XPO4: variants seen among roughly 807,000 people sequenced by gnomAD.
XPO4 encodes the protein exportin-4.
XPO4 carries 39 observed loss-of-function variants against 143.0 expected under a neutral mutation model. That is an observed-to-expected ratio of 0.27 (90% CI 0.21 to 0.36). XPO4 has a LOEUF of 0.36. XPO4 is among the 10% of genes least tolerant of loss of function. XPO4 has a pLI of 1.00. For synonymous variants in XPO4, 439 were observed against 474.0 expected, an observed-to-expected ratio of 0.93 and a Z score of 0.96; for missense variants, 907 against 1,348.0, an observed-to-expected ratio of 0.67 and a Z score of 5.12.
intron 3 of XPO4, among the ~76,000 whole-genome samples, chr13:20,857,631 G>T (rs534046234): frequency 6.6e-6 from 1 of 152,232 alleles, no homozygotes; most frequent in East Asian, 1.9e-4. Context: ...GGAGGCTGAG[G>T]CAGGAGAATG....
Position 20,845,394 on chromosome 13 carries a change from C to G in XPO4, c.457-1508G>C, listed in dbSNP as rs150706942. Among the ~76,000 whole-genome samples, 26 of 152,292 alleles carry G rather than the reference C, an allele frequency of 1.7e-4. No homozygotes were observed. The East Asian group carries it at 5.0e-3, about 29-fold the overall frequency. ...AACAATAAAAGTTCTCTGAATGTTA[C>G]TGGTTTGGCATAAACACACACATTT... On this transcript the variant is annotated intron_variant, in intron 4 of 22. Coordinates refer to ENST00000255305, the MANE Select transcript of XPO4 (RefSeq NM_022459.5).
intron 3 of XPO4, chr13:20,856,824 A>G: frequency 5.2e-6 from 5 of 958,616 alleles, no homozygotes; most frequent in South Asian, 4.8e-5. Context: ...CTGAACTTCT[A>G]TTCCCTCTCC....
Position 20,778,392 on chromosome 13 carries a change from AT to A in XPO4, c.*5329del, listed in dbSNP as rs2141452281. On this transcript the variant is annotated 3_prime_UTR_variant, in exon 23 of 23. Coordinates refer to ENST00000255305, the MANE Select transcript of XPO4 (RefSeq NM_022459.5). Reference sequence around the variant, plus strand: ...TTAAAAATGAACATTTTAAAGATGCATTTTCTTTAAAAATTAACTTTTCACT... The same window carrying A: ...TTAAAAATGAACATTTTAAAGATGCATTTCTTTAAAAATTAACTTTTCACT... The A allele has an allele frequency of 6.6e-6, 1 of 152,316 alleles. No homozygotes were observed. The highest frequency in any genetic ancestry group is 6.5e-5 in the Admixed American group (1 of 15,294). 9.4% of individuals were successfully genotyped at this position (152,316 alleles called of 1,614,324 possible).
intron 3 of XPO4, among the ~76,000 whole-genome samples, chr13:20,859,292 C>A (rs2060174203): frequency 6.6e-6 from 1 of 151,650 alleles, no homozygotes; most frequent in Non-Finnish European, 1.5e-5. Flanking sequence ...CATGCTGAAA[C>A]CATCTCTACT....
intron 18 of XPO4, among the ~76,000 whole-genome samples, chr13:20,792,107 TCA>T (rs1177061852): frequency 6.6e-6 from 1 of 152,166 alleles, no homozygotes; most frequent in Non-Finnish European, 1.5e-5. Flanking sequence ...CCAAGAGGGC[TCA>T]GTCTCTAACC....
chr13:20,846,473 T>C (rs1236703754), intron 4 of XPO4, among the ~76,000 whole-genome samples: 4 of 152,280 alleles, frequency 2.6e-5, no homozygotes, highest in South Asian at 2.1e-4. Flanking sequence ...GTTACGGCAA[T>C]GAATATATCC....
intron 1 of XPO4, among the ~76,000 whole-genome samples, chr13:20,888,191 A>T (rs1354173997): frequency 6.6e-6 from 1 of 151,718 alleles, no homozygotes; most frequent in African/African-American, 2.4e-5. Flanking sequence ...AAAAAAAAAA[A>T]AAGACTAAAA....
At chr13:20,856,282 C>T (rs753722194) in intron 3 of XPO4, 117 of 965,798 alleles carry the variant, frequency 1.2e-4, no homozygotes, top group Non-Finnish European at 1.4e-4. Flanking sequence ...ACTAGCTATC[C>T]GAGATACATC....
Position 20,835,285 on chromosome 13 carries a change from T to C in XPO4, c.727+7610A>G, listed in dbSNP as rs558512073. ...AAATACTTCACAAGGGCTTTACATA[T>C]ATGTGCTTTAAAATTCCATCACTCT... On this transcript the variant is annotated intron_variant, in intron 6 of 22. Coordinates refer to ENST00000255305, the MANE Select transcript of XPO4 (RefSeq NM_022459.5). 5.3e-5 allele frequency among the ~76,000 whole-genome samples: 8 copies of C among 152,312 alleles called. No homozygotes were observed. In the East Asian group the frequency reaches 1.2e-3, roughly 22 times the overall value.
At chr13:20,788,686 A>G (rs1413204569) in intron 19 of XPO4, 70 bp from the exon 20 acceptor site, 11 of 1,385,716 alleles carry the variant, frequency 7.9e-6, no homozygotes, top group Non-Finnish European at 1.1e-5. Context: ...AATGCAATAA[A>G]ATAAAGTAAC....
At chr13:20,862,299 T>C (rs2060208971) in intron 3 of XPO4, among the ~76,000 whole-genome samples, 2 of 151,926 alleles carry the variant, frequency 1.3e-5, no homozygotes, top group Non-Finnish European at 2.9e-5. Flanking sequence ...TCTTCACAAC[T>C]CAACAACAAC....
At chr13:20,890,740 C>T (rs1475811762) in intron 1 of XPO4, among the ~76,000 whole-genome samples, 2 of 136,830 alleles carry the variant, frequency 1.5e-5, no homozygotes, top group East Asian at 2.3e-4. Context: ...CAGAGGATGG[C>T]GTGAGCCGAG....
chr13:20,862,649 A>G (rs892265149), intron 3 of XPO4, 68 bp downstream of exon 3: 6 of 1,587,676 alleles, frequency 3.8e-6, no homozygotes, highest in Non-Finnish European at 5.1e-6. Flanking sequence ...ATGCAAACAA[A>G]AAAAGCTCTA....
intron 13 of XPO4, among the ~76,000 whole-genome samples, chr13:20,802,842 T>C (rs373255015): frequency 1.3e-5 from 2 of 152,330 alleles, no homozygotes. Flanking sequence ...AAATGTCTTC[T>C]GGATTATCAT....
chr13:20,869,110 T>C (rs1439824679), intron 1 of XPO4, among the ~76,000 whole-genome samples: 1 of 152,144 alleles, frequency 6.6e-6, no homozygotes, highest in Middle Eastern at 3.2e-3. Context: ...GAATCCAAGT[T>C]ACTAAAAATC....
intron 6 of XPO4, among the ~76,000 whole-genome samples, chr13:20,829,997 G>A (rs535666117): frequency 7.2e-5 from 11 of 152,268 alleles, no homozygotes; most frequent in Admixed American, 1.3e-4. Flanking sequence ...ATGGATATGA[G>A]TTTTATTTAA....
intron 4 of XPO4, chr13:20,851,053 CCTTT>C: frequency 3.0e-6 from 3 of 985,304 alleles, no homozygotes; most frequent in South Asian, 4.7e-5. Context: ...TTATCATTCT[CCTTT>C]CTTACAGAGG....
At position 20,872,558 on chromosome 13, in the gene XPO4, T is replaced by A. The variant is rs372611553; in HGVS notation, c.70-3857A>T. Among the ~76,000 whole-genome samples, 135 of 152,182 alleles carry A rather than the reference T, an allele frequency of 8.9e-4. 3 individuals carry two copies. In the South Asian group the frequency reaches 0.027, roughly 30 times the overall value. On this transcript the variant is annotated intron_variant, in intron 1 of 22. Coordinates refer to ENST00000255305, the MANE Select transcript of XPO4 (RefSeq NM_022459.5). ...CGAGGCATTATTTTAGATAGATACA[T>A]ACACAAGAAAGAAAGAAGAAAGACA...
chr13:20,826,110 T>G lies in XPO4; in HGVS notation c.840+957A>C, dbSNP rs562493493. Among the ~76,000 whole-genome samples the G allele has an allele frequency of 2.0e-5, 3 of 152,344 alleles. No homozygotes were observed. In the South Asian group the frequency reaches 6.2e-4, roughly 32 times the overall value. On this transcript the variant is annotated intron_variant, in intron 7 of 22. Coordinates refer to ENST00000255305, the MANE Select transcript of XPO4 (RefSeq NM_022459.5). ...CACGTCATTATATCTAATTAACTTG[T>G]ATATTCCCCCTATAACTGCAAATTA...
Sources: allele counts gnomAD v4.1 joint callset (sites outside exome capture counted in the v4.1 genomes callset), GRCh38; gene constraint gnomAD v4.1.1; transcripts MANE v1.5; gene names NCBI Gene and HGNC (gene_info 2026-07-23, HGNC 2026-07-21).